The following TNFRSF8 variants were observed in gnomAD, a reference collection of about 807,000 sequenced individuals.
The protein encoded by TNFRSF8 is TNF receptor superfamily member 8.
TNFRSF8 carries 26 observed loss-of-function variants against 70.8 expected under a neutral mutation model. That is an observed-to-expected ratio of 0.37 (90% CI 0.27 to 0.51). The LOEUF (loss-of-function observed/expected upper bound fraction) is 0.51. TNFRSF8 is among the 20% of genes least tolerant of loss of function. The pLI is 0.94. For synonymous variants in TNFRSF8, 356 were observed against 339.2 expected, an observed-to-expected ratio of 1.05 and a Z score of -0.54; for missense variants, 720 against 807.9, an observed-to-expected ratio of 0.89 and a Z score of 1.32.
intron 2 of TNFRSF8, among the ~76,000 whole-genome samples, chr1:12,092,427 C>G (rs1048455855): frequency 1.3e-5 from 2 of 152,072 alleles, no homozygotes; most frequent in African/African-American, 4.8e-5. Context: ...TCCATTTCAG[C>G]CTCCTAAAGT....
At chr1:12,075,278 G>A (rs1204989820) in intron 1 of TNFRSF8, among the ~76,000 whole-genome samples, 1 of 151,138 alleles carries the variant, frequency 6.6e-6, no homozygotes, top group Non-Finnish European at 1.5e-5. Flanking sequence ...AAGAGACAGG[G>A]TCTTGCTATG....
chr1:12,107,263 C>T (rs1313541727), intron 4 of TNFRSF8, among the ~76,000 whole-genome samples: 2 of 152,000 alleles, frequency 1.3e-5, no homozygotes, highest in Admixed American at 6.6e-5. Context: ...GGTGTGGTGG[C>T]GGGTGCTTGA....
rs768797541 is a variant in TNFRSF8, at chr1:12,138,618, C to T, written c.1543+182C>T. Among the ~76,000 whole-genome samples the T allele has an allele frequency of 6.6e-6, 1 of 152,128 alleles. No homozygotes were observed. The highest frequency in any genetic ancestry group is 6.5e-5 in the Admixed American group (1 of 15,282). ...GTAGGGACAGCGAGGGTACTTACCTCGTAGGCCATTGTGCGGATTCATGAG... is the reference window on the plus strand; with the variant it reads ...GTAGGGACAGCGAGGGTACTTACCTTGTAGGCCATTGTGCGGATTCATGAG... On this transcript the variant is annotated intron_variant, in intron 14 of 14. Coordinates refer to ENST00000263932, the MANE Select transcript of TNFRSF8 (RefSeq NM_001243.5). The surrounding 1 kb of genome is among the most constrained non-coding windows in gnomAD (Gnocchi z 5.7).
At chr1:12,103,839 T>C (rs1417810874) in intron 3 of TNFRSF8, among the ~76,000 whole-genome samples, 2 of 152,238 alleles carry the variant, frequency 1.3e-5, no homozygotes, top group African/African-American at 2.4e-5. Flanking sequence ...ATTGTTAGCA[T>C]TGATGACCTG....
At chr1:12,139,847 G>A (rs937756491) in intron 14 of TNFRSF8, among the ~76,000 whole-genome samples, 2 of 152,226 alleles carry the variant, frequency 1.3e-5, no homozygotes, top group Non-Finnish European at 2.9e-5. Context: ...TGTTGGCCAG[G>A]CTGGTCTGGA....
chr1:12,122,008 T>C (rs1641836821), intron 8 of TNFRSF8, among the ~76,000 whole-genome samples: 1 of 152,060 alleles, frequency 6.6e-6, no homozygotes, highest in Admixed American at 6.5e-5. Flanking sequence ...CTGGAACAGA[T>C]ACACTCCTCT....
chr1:12,100,974 A>G (rs1400786500), intron 3 of TNFRSF8, among the ~76,000 whole-genome samples: 1 of 147,666 alleles, frequency 6.8e-6, no homozygotes, highest in Non-Finnish European at 1.5e-5. Flanking sequence ...AAAAAAAAAG[A>G]ATCCTGTCCC....
Position 12,123,337 on chromosome 1 carries a change from G to GT in TNFRSF8, c.1000_1001insT (p.Asp334ValfsTer29). 6.2e-7 allele frequency: 1 copy of GT among 1,613,452 alleles called. No individual in the cohort carries two copies. Among genetic ancestry groups the GT allele is most frequent in the Non-Finnish European group, 8.5e-7 (1 of 1,179,814 alleles). The stretch of plus-strand genomic sequence containing the variant: ...GGCGCCACCCCTGGGGACCCAGCCG[G>GT]ACTGCAACCCCACCCCAGAGAATGG... On this transcript the variant is annotated frameshift_variant, in exon 9 of 15. Coordinates refer to ENST00000263932, the MANE Select transcript of TNFRSF8 (RefSeq NM_001243.5). LOFTEE classifies it high-confidence loss of function.
At chr1:12,139,431 A>G (rs1642214978) in intron 14 of TNFRSF8, among the ~76,000 whole-genome samples, 1 of 151,880 alleles carries the variant, frequency 6.6e-6, no homozygotes. Flanking sequence ...TATCCTGGGG[A>G]CCCTGCTTAT....
At chr1:12,125,441 A>G (rs554534495) in intron 10 of TNFRSF8, among the ~76,000 whole-genome samples, 1 of 152,260 alleles carries the variant, frequency 6.6e-6, no homozygotes, top group Admixed American at 6.5e-5. Context: ...TGCCTAGGGC[A>G]TAGGGTTGGG....
At chr1:12,098,677 TAA>T (rs200541771) in intron 3 of TNFRSF8, among the ~76,000 whole-genome samples, 16 of 146,422 alleles carry the variant, frequency 1.1e-4, no homozygotes, top group Admixed American at 6.8e-4. Flanking sequence ...GCAATTCCTT[TAA>T]AAAAAAAAAC....
In TNFRSF8 at chr1:12,142,494, A is replaced by G. The variant is rs1287236699; in HGVS notation, c.1751A>G (p.Lys584Arg). ...ATGCTCTCAGTGGAAGAGGAAGGGA[A>G]AGAAGACCCCTTGCCCACAGCTGCC... ...DVMLSVEEEG[K>R]EDPLPTAASG... The change falls in exon 15 of 15, where the codon AAA becomes AGA. Residue 584 changes from lysine (K) to arginine (R), a missense_variant. Transcript: ENST00000263932. This position sits in a 1 kb window ranked among gnomAD's most constrained non-coding sequence, Gnocchi z 5.0. 6.3e-7 allele frequency: 1 copy of G among 1,593,440 alleles called. No individual in the cohort carries two copies. Among genetic ancestry groups the G allele is most frequent in the East Asian group, 2.3e-5 (1 of 43,938 alleles).
chr1:12,118,451 T>A (rs1641773415), intron 8 of TNFRSF8, among the ~76,000 whole-genome samples: 1 of 152,154 alleles, frequency 6.6e-6, no homozygotes, highest in Non-Finnish European at 1.5e-5. Context: ...GAGCAAAGAT[T>A]TGTAAGAAAA....
In TNFRSF8 at chr1:12,135,621, C is replaced by T. The variant is rs749138511; in HGVS notation, c.1335+8C>T. On this transcript the variant is annotated splice_region_variant and intron_variant, in intron 13 of 14. Transcript: ENST00000263932. ...CCCAGGAGGAGCTCAACGGTAAGTA[C>T]CCCTCCCTTGCCCCCACCTCAGCTT... is the stretch of plus-strand genomic sequence containing the variant. The T allele has an allele frequency of 3.1e-6, 5 of 1,614,080 alleles. No individual in the cohort carries two copies. In the South Asian group the frequency reaches 5.5e-5, roughly 18 times the overall value.
At chr1:12,116,499 G>C (rs997621298) in intron 8 of TNFRSF8, among the ~76,000 whole-genome samples, 4 of 152,056 alleles carry the variant, frequency 2.6e-5, no homozygotes, top group African/African-American at 9.7e-5. Context: ...TGGAAGAGTG[G>C]TGACAAAACC....
At position 12,143,772 on chromosome 1, in the gene TNFRSF8, G is replaced by C. The variant is rs545391989; in HGVS notation, c.*1241G>C. On this transcript the variant is annotated 3_prime_UTR_variant, in exon 15 of 15. Transcript: ENST00000263932. This position sits in a 1 kb window ranked among gnomAD's most constrained non-coding sequence, Gnocchi z 4.1. ...GGATAAGGATGAGTCTTGGAGTTGC[G>C]GGCAGCCTGGAGACTCGTGGACTTA... is the stretch of plus-strand genomic sequence containing the variant. 2.0e-5 allele frequency: 3 copies of C among 152,200 alleles called. No homozygotes were observed. Among genetic ancestry groups the C allele is most frequent in the Non-Finnish European group, 2.9e-5 (2 of 68,054 alleles). The allele number at this position is 152,200 out of a possible 1,614,324, so 9.4% of individuals were successfully genotyped here. A position where few individuals can be genotyped will look rare whatever the true frequency, so the allele number is the denominator to read the frequency against.
intron 2 of TNFRSF8, among the ~76,000 whole-genome samples, chr1:12,090,682 G>C (rs891258236): frequency 6.6e-6 from 1 of 151,192 alleles, no homozygotes; most frequent in African/African-American, 2.4e-5. Flanking sequence ...TCAGACCCTA[G>C]AGATTCAACC....
chr1:12,106,482 C>G (rs190972090), intron 4 of TNFRSF8, among the ~76,000 whole-genome samples: 3 of 152,156 alleles, frequency 2.0e-5, no homozygotes, highest in Non-Finnish European at 4.4e-5. Flanking sequence ...ATGTCTGTCT[C>G]CCTCCCTGGC....
intron 3 of TNFRSF8, among the ~76,000 whole-genome samples, chr1:12,103,971 C>G (rs1250198508): frequency 2.0e-5 from 3 of 152,168 alleles, no homozygotes; most frequent in African/African-American, 7.2e-5. Context: ...ATCACCGTGG[C>G]ATCCAGAATA....
Sources: gnomAD v4.1 joint callset for allele counts (sites outside exome capture counted in the v4.1 genomes callset) on GRCh38, gnomAD v4.1.1 for gene constraint, Gnocchi (gnomAD v3.1) non-coding constraint, MANE v1.5 for transcripts, NCBI Gene and HGNC (gene_info 2026-07-23, HGNC 2026-07-21) for gene names.